Variants in NR2C2 observed in about 807,000 individuals in gnomAD.
The protein encoded by NR2C2 is Nuclear hormone receptor TR4.
NR2C2 carries 6 observed loss-of-function variants against 62.9 expected under a neutral mutation model. The ratio of observed to expected loss-of-function variants is 0.10; its 90% CI spans 0.05 to 0.19. NR2C2 has a LOEUF of 0.19. Among genes scored for constraint, NR2C2 ranks in the 10% least tolerant of loss-of-function variants. The probability of loss-of-function intolerance (pLI) is 1.00; values close to 1 mark genes in which losing one functional copy is unlikely to be tolerated. For missense variants in NR2C2, 479 were observed against 762.7 expected (o/e 0.63, Z 4.38); for synonymous variants, 272 against 273.8 (o/e 0.99, Z 0.07).
At chr3:15,013,329 C>A (rs1375470226) in intron 2 of NR2C2, among the ~76,000 whole-genome samples, 1 of 152,272 alleles carries the variant, frequency 6.6e-6, no homozygotes, top group East Asian at 1.9e-4. Context: ...GCCTTCATTT[C>A]ATAAAAGAAA....
At chr3:15,024,565 G>A (rs572753175) in intron 7 of NR2C2, among the ~76,000 whole-genome samples, 1 of 152,252 alleles carries the variant, frequency 6.6e-6, no homozygotes, top group Middle Eastern at 3.4e-3. Context: ...CAAAAGCCCC[G>A]GGTTCCTTTT....
rs1316916641 is a variant in NR2C2 at position 15,046,144 on chromosome 3, A to AG, written c.*3138dup. ...CCTAATTTGACATTTCTGTGTCCTG[A>AG]GGAGTTACATTTATTGTCTAACCCT... is the stretch of plus-strand genomic sequence containing the variant. On this transcript the variant is annotated 3_prime_UTR_variant, in exon 14 of 14. Transcript: ENST00000425241. 2 of 152,194 alleles carry AG rather than the reference A, an allele frequency of 1.3e-5. No homozygotes were observed. Among genetic ancestry groups the AG allele is most frequent in the Admixed American group, 6.5e-5 (1 of 15,280 alleles). The allele number at this position is 152,194 out of a possible 1,614,324, so 9.4% of individuals were successfully genotyped here. A position where few individuals can be genotyped will look rare whatever the true frequency, so the allele number is the denominator to read the frequency against.
At chr3:14,956,553 A>G (rs145512867) in intron 1 of NR2C2, among the ~76,000 whole-genome samples, 41 of 152,112 alleles carry the variant, frequency 2.7e-4, no homozygotes, top group African/African-American at 8.7e-4. Flanking sequence ...TTATTTATTT[A>G]TTTTTTGAGA....
chr3:14,979,398 A>G (rs372176032), intron 1 of NR2C2, among the ~76,000 whole-genome samples: 9 of 152,244 alleles, frequency 5.9e-5, no homozygotes, highest in Non-Finnish European at 8.8e-5. Flanking sequence ...GCATTGTTAT[A>G]GTTTTCAAGA....
intron 1 of NR2C2, among the ~76,000 whole-genome samples, chr3:14,981,020 C>A (rs1260352422): frequency 6.6e-6 from 1 of 152,230 alleles, no homozygotes; most frequent in Non-Finnish European, 1.5e-5. Context: ...TCTACTGTTA[C>A]ACTGGCATCA....
chr3:15,019,985 G>T (rs2125015088), intron 4 of NR2C2, among the ~76,000 whole-genome samples: 1 of 152,276 alleles, frequency 6.6e-6, no homozygotes, highest in Non-Finnish European at 1.5e-5. Context: ...ATACAACGTG[G>T]ATATATTGAA....
chr3:14,999,496 CA>C (rs964247961), intron 1 of NR2C2, among the ~76,000 whole-genome samples: 3 of 150,338 alleles, frequency 2.0e-5, no homozygotes, highest in African/African-American at 7.3e-5. Flanking sequence ...TTGTCCCCCC[CA>C]AAAAAAAAGT....
chr3:15,014,624 C>T (rs969027024), intron 3 of NR2C2, among the ~76,000 whole-genome samples: 21 of 152,122 alleles, frequency 1.4e-4, no homozygotes, highest in African/African-American at 2.4e-5. Context: ...AGCTGAAACT[C>T]TGTACTCATT....
intron 1 of NR2C2, among the ~76,000 whole-genome samples, chr3:14,977,017 C>T (rs1409434314): frequency 6.6e-6 from 1 of 152,124 alleles, no homozygotes; most frequent in Non-Finnish European, 1.5e-5. Context: ...AAGTTCATGT[C>T]CTCCTGTTCT....
intron 1 of NR2C2, among the ~76,000 whole-genome samples, chr3:14,998,992 A>G (rs750971413): frequency 6.6e-6 from 1 of 152,038 alleles, no homozygotes; most frequent in Non-Finnish European, 1.5e-5. Flanking sequence ...GGCATCCAGG[A>G]GTGAGACCGT....
At chr3:14,977,539 T>C (rs2125315126) in intron 1 of NR2C2, among the ~76,000 whole-genome samples, 1 of 152,300 alleles carries the variant, frequency 6.6e-6, no homozygotes, top group South Asian at 2.1e-4. Flanking sequence ...ATTGCAGTTT[T>C]TTATTCTGTT....
chr3:15,012,834 C>G (rs907960176), intron 2 of NR2C2, among the ~76,000 whole-genome samples: 17 of 152,152 alleles, frequency 1.1e-4, no homozygotes, highest in Non-Finnish European at 2.1e-4. Flanking sequence ...GTGACTGATG[C>G]AATTAGACAA....
intron 1 of NR2C2, among the ~76,000 whole-genome samples, chr3:14,950,647 T>C (rs1391161550): frequency 6.6e-6 from 1 of 152,180 alleles, no homozygotes; most frequent in Non-Finnish European, 1.5e-5. Context: ...ATAATCTTTA[T>C]CTCACTTTAT....
At chr3:15,037,912 C>T (rs1432795252) in intron 11 of NR2C2, 88 bp from the exon 12 acceptor site, 22 of 1,301,672 alleles carry the variant, frequency 1.7e-5, no homozygotes, top group South Asian at 7.2e-5. Context: ...GTGAAATGGT[C>T]CCATTTCTTT....
intron 10 of NR2C2, 80 bp from the exon 11 acceptor site, chr3:15,034,589 TG>T: frequency 6.8e-7 from 1 of 1,464,792 alleles, no homozygotes; most frequent in Non-Finnish European, 9.3e-7. Context: ...TGGGAAATGC[TG>T]GGACTTAGTG....
chr3:15,034,707 A>C lies in NR2C2; in HGVS notation c.1270A>C (p.Asn424His). The change falls in exon 11 of 14, where the codon AAT (asparagine) becomes CAT (histidine). Residue 424 changes from asparagine (N) to histidine (H), a missense_variant. Physicochemically the swap from Asn to His is moderately conservative, Grantham distance 68. This residue lies in a region of NR2C2 where 162 missense variants were observed against 296.8 expected (regional missense o/e 0.55). Transcript: ENST00000425241. ...CNTSLVRACWNELFTLGLAQC... is the reference protein window; with the variant it reads ...CNTSLVRACWHELFTLGLAQC... ...CACCAGCCTTGTGCGGGCCTGCTGG[A>C]ATGAGCTCTTCACCCTCGGCCTGGC... 1 of 1,614,140 alleles carries C rather than the reference A, an allele frequency of 6.2e-7. No individual in the cohort carries two copies. The highest frequency in any genetic ancestry group is 8.5e-7 in the Non-Finnish European group (1 of 1,180,012).
At chr3:15,020,694 CTT>C (rs984183178) in intron 4 of NR2C2, 57 bp from the exon 5 acceptor site, 52 of 1,578,778 alleles carry the variant, frequency 3.3e-5, no homozygotes, top group Middle Eastern at 3.4e-4. Flanking sequence ...CAGATCACCT[CTT>C]TGGTGAATCC....
chr3:15,014,221 C>T (rs2041436846), intron 3 of NR2C2, among the ~76,000 whole-genome samples: 1 of 152,200 alleles, frequency 6.6e-6, no homozygotes, highest in Admixed American at 6.5e-5. Flanking sequence ...CCACTGTGTA[C>T]TACTCGCCCT....
At position 15,049,080 on chromosome 3, in the gene NR2C2, C is replaced by G. The variant is rs1004957659; in HGVS notation, c.*6072C>G. 6.6e-6 allele frequency: 1 copy of G among 152,562 alleles called. No homozygotes were observed. Among genetic ancestry groups the G allele is most frequent in the Non-Finnish European group, 1.5e-5 (1 of 68,008 alleles). The allele number at this position is 152,562 out of a possible 1,614,324, so 9.5% of individuals were successfully genotyped here. ...TAAAAAATAGCATGTTCTTTTTAAACTGAATTTTATATCTAATCAATGTCT... is the reference window on the plus strand; with the variant it reads ...TAAAAAATAGCATGTTCTTTTTAAAGTGAATTTTATATCTAATCAATGTCT... On this transcript the variant is annotated 3_prime_UTR_variant, in exon 14 of 14. Transcript: ENST00000425241.
Sources: gnomAD v4.1 joint callset for allele counts (sites outside exome capture counted in the v4.1 genomes callset) on GRCh38, gnomAD v4.1.1 for gene constraint, gnomAD v4.1.1 regional missense constraint, MANE v1.5 for transcripts, NCBI Gene and HGNC (gene_info 2026-07-23, HGNC 2026-07-21) for gene names.